CSRNP3: variants seen among roughly 807,000 people sequenced by gnomAD.
CSRNP3 encodes cysteine and serine rich nuclear protein 3, also known as cysteine/serine-rich nuclear protein 3.
In CSRNP3, 12 loss-of-function variants were observed where a neutral mutation model predicts 48.0. That is an observed-to-expected ratio of 0.25 (90% CI 0.16 to 0.41). The LOEUF is 0.41. CSRNP3 is among the 10% of genes least tolerant of loss of function. The pLI, the probability that CSRNP3 is intolerant of heterozygous loss-of-function variation, is 1.00. For missense variants in CSRNP3, 580 were observed against 724.4 expected (o/e 0.80, Z 2.29); for synonymous variants, 263 against 269.7 (o/e 0.98, Z 0.24).
intron 3 of CSRNP3, among the ~76,000 whole-genome samples, chr2:165,565,173 A>T (rs1227498554): frequency 6.6e-6 from 1 of 152,106 alleles, no homozygotes; most frequent in Non-Finnish European, 1.5e-5. Context: ...GTTGTCAGCG[A>T]AAGTTATCAG....
Position 165,676,324 on chromosome 2 carries a change from G to A in CSRNP3, c.421G>A (p.Gly141Ser). The A allele has an allele frequency of 6.2e-7, 1 of 1,613,184 alleles. No individual in the cohort carries two copies. Among genetic ancestry groups the A allele is most frequent in the Non-Finnish European group, 8.5e-7 (1 of 1,179,420 alleles). The part of the protein sequence containing the change: ...NSLKLKMTKN[G>S]TVESEEASTL... ...TTTGTGTTTTTAGATGACTAAGAATGGCACAGTAGAATCAGAAGAAGCCAG... is the reference window on the plus strand; with the variant it reads ...TTTGTGTTTTTAGATGACTAAGAATAGCACAGTAGAATCAGAAGAAGCCAG... Residue 141 changes from glycine to serine, a missense_variant, in exon 6 of 7, where the codon GGC becomes AGC. Gly to Ser is a moderately conservative substitution (Grantham distance 56, BLOSUM62 0). Transcript: ENST00000651982.
intron 5 of CSRNP3, among the ~76,000 whole-genome samples, chr2:165,658,461 G>A (rs546388751): frequency 1.3e-5 from 2 of 152,306 alleles, no homozygotes; most frequent in Admixed American, 1.3e-4. Context: ...GGTCAAGGAG[G>A]TCAAGGAAAG....
intron 3 of CSRNP3, among the ~76,000 whole-genome samples, chr2:165,564,351 A>G (rs1250444644): frequency 6.6e-6 from 1 of 152,110 alleles, no homozygotes; most frequent in Admixed American, 6.6e-5. Context: ...AATAACTTTA[A>G]TACAACTAAT....
At chr2:165,626,166 T>G (rs917408693) in intron 4 of CSRNP3, among the ~76,000 whole-genome samples, 1 of 150,662 alleles carries the variant, frequency 6.6e-6, no homozygotes, top group African/African-American at 2.5e-5. Flanking sequence ...GAGGTTGCAG[T>G]GAGCCGAGAT....
chr2:165,525,979 C>A, intron 3 of CSRNP3, among the ~76,000 whole-genome samples: 1 of 152,184 alleles, frequency 6.6e-6, no homozygotes, highest in Non-Finnish European at 1.5e-5. Flanking sequence ...ATAGTTTCAT[C>A]ACTTTTTTAT....
intron 3 of CSRNP3, among the ~76,000 whole-genome samples, chr2:165,577,236 TTAATA>T (rs1558939031): frequency 6.6e-6 from 1 of 151,820 alleles, no homozygotes; most frequent in South Asian, 2.1e-4. Flanking sequence ...TTTCTCTATT[TTAATA>T]TAATATTTTA....
intron 4 of CSRNP3, among the ~76,000 whole-genome samples, chr2:165,646,845 T>TA (rs1292518769): frequency 6.6e-6 from 1 of 151,996 alleles, no homozygotes; most frequent in Non-Finnish European, 1.5e-5. Flanking sequence ...TTTTTCCCAA[T>TA]AAAAAAAGAT....
At chr2:165,651,065 A>T (rs1287117452) in intron 4 of CSRNP3, among the ~76,000 whole-genome samples, 13 of 152,228 alleles carry the variant, frequency 8.5e-5, no homozygotes, top group Non-Finnish European at 1.9e-4. Context: ...TGACCAGCTC[A>T]TTGCTCAAGC....
At chr2:165,606,806 T>TA (rs1357764117) in intron 4 of CSRNP3, among the ~76,000 whole-genome samples, 1 of 152,146 alleles carries the variant, frequency 6.6e-6, no homozygotes, top group Non-Finnish European at 1.5e-5. Context: ...TGATAGTATT[T>TA]ATGTAATTAA....
At chr2:165,609,384 G>A (rs1319331342) in intron 4 of CSRNP3, among the ~76,000 whole-genome samples, 1 of 148,646 alleles carries the variant, frequency 6.7e-6, no homozygotes, top group Non-Finnish European at 1.5e-5. Context: ...GCGTGAACTC[G>A]GGAGATGGAG....
At chr2:165,617,714 G>T (rs1182683215) in intron 4 of CSRNP3, among the ~76,000 whole-genome samples, 1 of 152,220 alleles carries the variant, frequency 6.6e-6, no homozygotes. Flanking sequence ...AACTGGAGGG[G>T]ATGGTCATAG....
intron 4 of CSRNP3, among the ~76,000 whole-genome samples, chr2:165,604,594 T>C (rs2105304548): frequency 6.6e-6 from 1 of 152,354 alleles, no homozygotes; most frequent in South Asian, 2.1e-4. Context: ...TCACTATAAT[T>C]ATGCATTCTT....
At chr2:165,528,425 G>A (rs1416261325) in intron 3 of CSRNP3, among the ~76,000 whole-genome samples, 1 of 152,106 alleles carries the variant, frequency 6.6e-6, no homozygotes, top group Non-Finnish European at 1.5e-5. Flanking sequence ...GTTTTCCTAT[G>A]CTTTCTTCTA....
At chr2:165,632,512 A>T (rs1451830536) in intron 4 of CSRNP3, among the ~76,000 whole-genome samples, 1 of 151,916 alleles carries the variant, frequency 6.6e-6, no homozygotes, top group African/African-American at 2.4e-5. Flanking sequence ...CTGTCTCTTT[A>T]AAAAAAATAA....
chr2:165,570,122 C>CTGTT (rs1003803895), intron 3 of CSRNP3, among the ~76,000 whole-genome samples: 22 of 152,038 alleles, frequency 1.4e-4, no homozygotes, highest in African/African-American at 5.3e-4. Context: ...AAAGACTTTT[C>CTGTT]TGTTCCTGGT....
intron 3 of CSRNP3, among the ~76,000 whole-genome samples, chr2:165,542,333 G>C (rs1273788302): frequency 1.3e-5 from 2 of 152,142 alleles, no homozygotes; most frequent in East Asian, 1.9e-4. Flanking sequence ...TTATTTCCTA[G>C]TGCTTAGGAA....
rs932432835 is a variant in CSRNP3, at chr2:165,684,963, G to A, written c.*5210G>A. 2 of 152,022 alleles carry A rather than the reference G, an allele frequency of 1.3e-5. No homozygotes were observed. The highest frequency in any genetic ancestry group is 4.8e-5 in the African/African-American group (2 of 41,412). 9.4% of individuals were successfully genotyped at this position (152,022 alleles called of 1,614,324 possible). A position where few individuals can be genotyped will look rare whatever the true frequency, so the allele number is the denominator to read the frequency against. On this transcript the variant is annotated 3_prime_UTR_variant, in exon 7 of 7. Coordinates refer to ENST00000651982, the MANE Select transcript of CSRNP3 (RefSeq NM_001172173.2). The stretch of plus-strand genomic sequence containing the variant: ...TGTGGACACCCTTTCAGCCCAGTTG[G>A]TGCTCACATCTGCTGACCAACATTC...
At chr2:165,642,003 C>A (rs537775327) in intron 4 of CSRNP3, among the ~76,000 whole-genome samples, 30 of 151,902 alleles carry the variant, frequency 2.0e-4, no homozygotes, top group African/African-American at 7.0e-4. Flanking sequence ...TTTCTTGTAA[C>A]AAATAGCCCA....
intron 2 of CSRNP3, among the ~76,000 whole-genome samples, chr2:165,514,128 A>G (rs1684543997): frequency 1.3e-5 from 2 of 152,266 alleles, no homozygotes; most frequent in Admixed American, 6.5e-5. Context: ...TTATATAAGT[A>G]TACAGTTATC....
Sources: allele counts gnomAD v4.1 joint callset (sites outside exome capture counted in the v4.1 genomes callset), GRCh38; gene constraint gnomAD v4.1.1; transcripts MANE v1.5; gene names NCBI Gene and HGNC (gene_info 2026-07-23, HGNC 2026-07-21).